IPO11: variants seen among roughly 807,000 people sequenced by gnomAD.
IPO11 encodes the protein importin-11.
A neutral mutation model predicts 143.2 loss-of-function variants in IPO11; 66 were observed. The ratio of observed to expected loss-of-function variants is 0.46; its 90% CI spans 0.38 to 0.57. The LOEUF is 0.57. Among genes scored for constraint, IPO11 ranks in the 20% least tolerant of loss-of-function variants. IPO11 has a pLI of 0.00. For synonymous variants in IPO11, 385 were observed against 377.8 expected (o/e 1.02, Z -0.22); for missense variants, 1,026 against 1,141.0 (o/e 0.90, Z 1.45).
intron 28 of IPO11, among the ~76,000 whole-genome samples, chr5:62,592,379 C>T (rs1745055326): frequency 6.6e-6 from 1 of 151,824 alleles, no homozygotes; most frequent in Non-Finnish European, 1.5e-5. Context: ...ATATGGATAG[C>T]AGATATATGT....
chr5:62,559,155 T>TG (rs1431252161), intron 26 of IPO11, among the ~76,000 whole-genome samples: 1 of 152,112 alleles, frequency 6.6e-6, no homozygotes, highest in Non-Finnish European at 1.5e-5. Context: ...GCTGTAGGTG[T>TG]GGGTGGCTGT....
At chr5:62,435,274 ACTT>A (rs1274808678) in intron 1 of IPO11, among the ~76,000 whole-genome samples, 1 of 148,356 alleles carries the variant, frequency 6.7e-6, no homozygotes, top group Non-Finnish European at 1.5e-5. Context: ...ATTTTTACAT[ACTT>A]CTTTTTACTA....
intron 26 of IPO11, among the ~76,000 whole-genome samples, chr5:62,554,070 A>G (rs936552973): frequency 6.6e-6 from 1 of 152,136 alleles, no homozygotes; most frequent in Non-Finnish European, 1.5e-5. Flanking sequence ...GGCCATTCGT[A>G]TGTCTTCGTT....
At chr5:62,476,423 C>T (rs1745958608) in intron 8 of IPO11, among the ~76,000 whole-genome samples, 1 of 152,076 alleles carries the variant, frequency 6.6e-6, no homozygotes, top group Non-Finnish European at 1.5e-5. Context: ...AAATGTTATC[C>T]ATGATTCATT....
chr5:62,488,548 A>G (rs906371739), intron 13 of IPO11, among the ~76,000 whole-genome samples: 3 of 152,240 alleles, frequency 2.0e-5, no homozygotes, highest in African/African-American at 4.8e-5. Flanking sequence ...GGTAGGAGAT[A>G]GAGATATACT....
intron 3 of IPO11, chr5:62,443,412 T>C (rs867657809): frequency 5.7e-5 from 10 of 174,698 alleles, no homozygotes; most frequent in East Asian, 3.1e-4. Context: ...TGTGTGTGTG[T>C]GTGTGTGTGC....
chr5:62,566,753 AG>A (rs1302450690), intron 27 of IPO11, among the ~76,000 whole-genome samples: 1 of 151,570 alleles, frequency 6.6e-6, no homozygotes, highest in Non-Finnish European at 1.5e-5. Flanking sequence ...AAAAAAAAAA[AG>A]GTTTGTCTTT....
chr5:62,532,705 C>T (rs750549749), intron 22 of IPO11, among the ~76,000 whole-genome samples: 7 of 152,106 alleles, frequency 4.6e-5, no homozygotes, highest in Non-Finnish European at 8.8e-5. Flanking sequence ...ATGCATATTT[C>T]TTACCAAATC....
chr5:62,424,568 A>G (rs1173258869), intron 1 of IPO11, among the ~76,000 whole-genome samples: 4 of 149,108 alleles, frequency 2.7e-5, no homozygotes, highest in African/African-American at 7.4e-5. Flanking sequence ...GGTGCATGCC[A>G]CCACACCTGG....
chr5:62,556,338 TAAATAA>T (rs1743575640), intron 26 of IPO11, among the ~76,000 whole-genome samples: 2 of 151,996 alleles, frequency 1.3e-5, no homozygotes, highest in African/African-American at 4.8e-5. Context: ...AATAAGTAAA[TAAATAA>T]AAATAAATAA....
chr5:62,624,138 G>A (rs1255042073), intron 29 of IPO11, among the ~76,000 whole-genome samples: 1 of 151,924 alleles, frequency 6.6e-6, no homozygotes, highest in Non-Finnish European at 1.5e-5. Context: ...GGGTTCAGGC[G>A]ATTCTCCTGC....
chr5:62,417,507 C>T (rs952654712), intron 1 of IPO11, among the ~76,000 whole-genome samples: 1 of 151,952 alleles, frequency 6.6e-6, no homozygotes, highest in African/African-American at 2.4e-5. Flanking sequence ...TTCTGGGACA[C>T]CATATTTTCC....
At chr5:62,487,981 G>C in intron 13 of IPO11, 120 bp downstream of exon 13, 1 of 824,576 alleles carries the variant, frequency 1.2e-6, no homozygotes, top group Non-Finnish European at 1.8e-6. Context: ...ATATGAATTT[G>C]AGAAAAACAA....
intron 20 of IPO11, among the ~76,000 whole-genome samples, chr5:62,523,257 T>TA (rs1742260220): frequency 6.6e-6 from 1 of 152,172 alleles, no homozygotes; most frequent in East Asian, 1.9e-4. Context: ...GAAAGAACAG[T>TA]AGTAAATGCA....
chr5:62,619,899 G>C (rs922714380), intron 29 of IPO11, among the ~76,000 whole-genome samples: 18 of 151,962 alleles, frequency 1.2e-4, no homozygotes, highest in African/African-American at 4.4e-4. Context: ...ACTGGATAGT[G>C]AATATTCTAA....
Position 62,551,286 on chromosome 5 carries a change from A to G in IPO11, c.2410A>G (p.Ser804Gly), listed in dbSNP as rs1743381786. 2 of 1,610,380 alleles carry G rather than the reference A, an allele frequency of 1.2e-6. No homozygotes were observed. The highest frequency in any genetic ancestry group is 1.7e-5 in the Admixed American group (1 of 59,976). Residue 804 changes from serine to glycine, a missense_variant, in exon 26 of 30, where the codon AGT (serine) becomes GGT (glycine). Transcript: ENST00000325324. ...VMGRVLLQNTSFFSSLLNEMA... is the reference protein window; with the variant it reads ...VMGRVLLQNTGFFSSLLNEMA... ...GGGTCGAGTTCTACTACAAAACACT[A>G]GTTTTTTTTCTTCACTACTTAATGA...
rs1254884540 is a variant in IPO11, at chr5:62,598,400, CT to C, written c.2679-3361del. Among the ~76,000 whole-genome samples, 3 of 9,330 alleles carry C rather than the reference CT, an allele frequency of 3.2e-4. No individual in the cohort carries two copies. The African/African-American group carries it at 5.7e-3, about 18-fold the overall frequency. The allele number at this position is 9,330 out of a possible 152,430, so 6.1% of individuals were successfully genotyped here. A position where few individuals can be genotyped will look rare whatever the true frequency, so the allele number is the denominator to read the frequency against. On this transcript the variant is annotated intron_variant, in intron 28 of 29. Transcript: ENST00000325324. ...GTTTGCTTGCTTGCTTGCTTTCTTT[CT>C]TTCTTTCTTTCTTTCTTTCTTTCTT...
chr5:62,429,730 T>A (rs1743911585), intron 1 of IPO11, among the ~76,000 whole-genome samples: 1 of 151,998 alleles, frequency 6.6e-6, no homozygotes, highest in Non-Finnish European at 1.5e-5. Context: ...TTCAAGCGAT[T>A]CTCCTGCCTC....
chr5:62,453,467 C>G (rs1192820312), intron 5 of IPO11, among the ~76,000 whole-genome samples: 1 of 145,108 alleles, frequency 6.9e-6, no homozygotes, highest in Non-Finnish European at 1.5e-5. Context: ...AGAGAGAGTT[C>G]TAGAAGAAAA....
Sources: allele counts gnomAD v4.1 joint callset (sites outside exome capture counted in the v4.1 genomes callset), GRCh38; gene constraint gnomAD v4.1.1; transcripts MANE v1.5; gene names NCBI Gene and HGNC (gene_info 2026-07-23, HGNC 2026-07-21).